AGO4: variants seen among roughly 807,000 people sequenced by gnomAD.
The protein encoded by AGO4 is protein argonaute-4.
Under a neutral mutation model 104.7 loss-of-function variants are expected in AGO4, and 33 were observed. That is an observed-to-expected ratio of 0.32 (90% CI 0.24 to 0.42). The LOEUF (loss-of-function observed/expected upper bound fraction) is 0.42, where lower values mean the gene tolerates loss of function less well. Among genes scored for constraint, AGO4 ranks in the 10% least tolerant of loss-of-function variants. The pLI, the probability that AGO4 is intolerant of heterozygous loss-of-function variation, is 1.00. For missense variants in AGO4, 711 were observed against 1,083.4 expected (o/e 0.66, Z 4.83); for synonymous variants, 331 against 364.7 (o/e 0.91, Z 1.05).
At chr1:35,851,116 T>C (rs1249658031) in intron 17 of AGO4, 63 bp downstream of exon 17, 1 of 1,482,196 alleles carries the variant, frequency 6.7e-7, no homozygotes, top group South Asian at 1.3e-5. Flanking sequence ...AAAAATGAGC[T>C]ACAATAGAAA....
intron 13 of AGO4, among the ~76,000 whole-genome samples, chr1:35,838,046 CTATT>C (rs1167171418): frequency 1.3e-5 from 2 of 151,000 alleles, no homozygotes; most frequent in African/African-American, 4.9e-5. Context: ...CCATGCCTGC[CTATT>C]TATTTATTTA....
chr1:35,831,703 A>G (rs1644189236), intron 8 of AGO4, 109 bp from the exon 9 acceptor site: 39 of 1,547,728 alleles, frequency 2.5e-5, no homozygotes, highest in Non-Finnish European at 3.1e-5. Flanking sequence ...ATTTCACTAT[A>G]TAACCAAATT....
At position 35,830,691 on chromosome 1, in the gene AGO4, T is replaced by C. The variant is rs370600554; in HGVS notation, c.849-736T>C. On this transcript the variant is annotated intron_variant, in intron 7 of 17. Transcript: ENST00000373210. ...GCTCAAATAAAGATTAACTTTTGTT[T>C]TTTGGCTGGGCATGTGGCTCACACC... Among the ~76,000 whole-genome samples, 20 of 152,278 alleles carry C rather than the reference T, an allele frequency of 1.3e-4. No individual in the cohort carries two copies. The East Asian group carries it at 1.5e-3, about 12-fold the overall frequency.
At chr1:35,813,853 A>C (rs1643591434) in intron 1 of AGO4, among the ~76,000 whole-genome samples, 1 of 151,996 alleles carries the variant, frequency 6.6e-6, no homozygotes. Flanking sequence ...AGGTGGGCGG[A>C]TCACAAGGTC....
intron 2 of AGO4, among the ~76,000 whole-genome samples, chr1:35,819,921 G>A (rs1161229436): frequency 2.0e-5 from 3 of 152,042 alleles, no homozygotes; most frequent in African/African-American, 7.2e-5. Context: ...GAGACTGGAT[G>A]AGATTATGTT....
Position 35,854,544 on chromosome 1 carries a change from A to G in AGO4, c.*939A>G, listed in dbSNP as rs142922183. The G allele has an allele frequency of 2.0e-5, 3 of 152,792 alleles. No homozygotes were observed. The highest frequency in any genetic ancestry group is 7.2e-5 in the African/African-American group (3 of 41,584). The allele number at this position is 152,792 out of a possible 1,614,324, so 9.5% of individuals were successfully genotyped here. On this transcript the variant is annotated 3_prime_UTR_variant, in exon 18 of 18. Transcript: ENST00000373210. ...TCCTTCCCCAACAATGTAGTTTTCT[A>G]GATGAGATTTCAGTATGATTTTATC...
In AGO4 at chr1:35,808,312, G is replaced by A. The variant is rs1643364186; in HGVS notation, c.-105G>A. The stretch of plus-strand genomic sequence containing the variant: ...CGCGTCTCCGCGGCGCCACCCCAGC[G>A]CCAATATTCCGGAGATCAAGCGTTA... On this transcript the variant is annotated 5_prime_UTR_variant, in exon 1 of 18. Transcript: ENST00000373210. This position sits in a 1 kb window ranked among gnomAD's most constrained non-coding sequence, Gnocchi z 5.2. 2 of 714,950 alleles carry A rather than the reference G, an allele frequency of 2.8e-6. No individual in the cohort carries two copies. Among genetic ancestry groups the A allele is most frequent in the South Asian group, 1.2e-4 (2 of 16,784 alleles). The allele number at this position is 714,950 out of a possible 1,614,324, so 44.3% of individuals were successfully genotyped here. A position where few individuals can be genotyped will look rare whatever the true frequency, so the allele number is the denominator to read the frequency against.
rs993496907 is a variant in AGO4 at position 35,808,294 on chromosome 1, C to T, written c.-123C>T. On this transcript the variant is annotated 5_prime_UTR_variant, in exon 1 of 18. Transcript: ENST00000373210. The surrounding 1 kb of genome is among the most constrained non-coding windows in gnomAD (Gnocchi z 5.2). ...CGCCCCCTGCCCAGCGCCCGCGTCT[C>T]CGCGGCGCCACCCCAGCGCCAATAT... is the stretch of plus-strand genomic sequence containing the variant. The T allele has an allele frequency of 1.9e-6, 1 of 525,178 alleles. No homozygotes were observed. Among genetic ancestry groups the T allele is most frequent in the South Asian group, 7.7e-5 (1 of 12,998 alleles). 32.5% of individuals were successfully genotyped at this position (525,178 alleles called of 1,614,324 possible).
intron 15 of AGO4, among the ~76,000 whole-genome samples, chr1:35,848,885 T>A (rs1265332212): frequency 6.6e-6 from 1 of 152,202 alleles, no homozygotes. Context: ...AGATTTCTTC[T>A]GATCCAGCTA....
Position 35,829,086 on chromosome 1 carries a change from G to T in AGO4, c.848+2251G>T, listed in dbSNP as rs118118895. Among the ~76,000 whole-genome samples, 41 of 148,934 alleles carry T rather than the reference G, an allele frequency of 2.8e-4. No homozygotes were observed. The East Asian group carries it at 6.9e-3, about 25-fold the overall frequency. ...TAATCTGACTTTGTTTTAGATTCAT[G>T]ATTCTTAATTTTCAAACTTTAGTGC... On this transcript the variant is annotated intron_variant, in intron 7 of 17. Coordinates refer to ENST00000373210, the MANE Select transcript of AGO4 (RefSeq NM_017629.4).
chr1:35,841,345 C>T lies in AGO4; in HGVS notation c.1905C>T (p.Leu635=). 6.2e-7 allele frequency: 1 copy of T among 1,614,190 alleles called. No individual in the cohort carries two copies. The highest frequency in any genetic ancestry group is 8.5e-7 in the Non-Finnish European group (1 of 1,180,036). ...TSRQEISQEL[L]YSQEVIQDLT... ...GGCAGGAGATCTCCCAAGAGCTCCT[C>T]TACAGTCAAGAGGTCATCCAGGACC... Residue 635 remains leucine (L), a synonymous_variant, in exon 14 of 18, where the codon CTC becomes CTT. Transcript: ENST00000373210. This position sits in a 1 kb window ranked among gnomAD's most constrained non-coding sequence, Gnocchi z 4.7.
At chr1:35,831,765 GATGTGGAACCCTTTAC>G in intron 8 of AGO4, 31 bp from the exon 9 acceptor site, 1 of 1,608,732 alleles carries the variant, frequency 6.2e-7, no homozygotes, top group Non-Finnish European at 8.5e-7. Context: ...AAAGGTTTAA[GATGTGGAACCCTTTAC>G]ACAAACCAAT....
chr1:35,808,007 C>T (rs1162062763), upstream of AGO4, among the ~76,000 whole-genome samples: 1 of 150,746 alleles, frequency 6.6e-6, no homozygotes, highest in Non-Finnish European at 1.5e-5. The surrounding 1 kb of genome is among the most constrained non-coding windows in gnomAD (Gnocchi z 5.2). Flanking sequence ...ACCCTCCGGG[C>T]GCGCGCTCGT....
chr1:35,825,296 T>C lies in AGO4; in HGVS notation c.307-17T>C, dbSNP rs1160471555. On this transcript the variant is annotated splice_polypyrimidine_tract_variant and intron_variant, in intron 3 of 17. Coordinates refer to ENST00000373210, the MANE Select transcript of AGO4 (RefSeq NM_017629.4). ...TTGTAAACATTTGTGTTTGTATTCATGTATTTTTTTCCTTAGGTTGATATG... is the reference window on the plus strand; with the variant it reads ...TTGTAAACATTTGTGTTTGTATTCACGTATTTTTTTCCTTAGGTTGATATG... The C allele has an allele frequency of 3.1e-6, 5 of 1,609,382 alleles. No homozygotes were observed. The East Asian group carries it at 8.9e-5, about 29-fold the overall frequency.
intron 1 of AGO4, among the ~76,000 whole-genome samples, chr1:35,815,986 G>A (rs962868520): frequency 6.6e-6 from 1 of 152,130 alleles, no homozygotes; most frequent in African/African-American, 2.4e-5. Context: ...AAATGTCTGT[G>A]GAATAAACTA....
intron 15 of AGO4, among the ~76,000 whole-genome samples, chr1:35,847,940 G>A (rs1212457088): frequency 6.6e-6 from 1 of 151,040 alleles, no homozygotes; most frequent in Admixed American, 6.6e-5. Flanking sequence ...GATCAAATCA[G>A]GGTATAATTA....
At chr1:35,809,447 A>G (rs1643427560) in intron 1 of AGO4, among the ~76,000 whole-genome samples, 1 of 152,178 alleles carries the variant, frequency 6.6e-6, no homozygotes, top group Admixed American at 6.5e-5. Context: ...TCGAGTTGCC[A>G]TTTGAGTTTG....
intron 15 of AGO4, among the ~76,000 whole-genome samples, chr1:35,847,735 A>G (rs1312369182): frequency 1.3e-5 from 2 of 152,174 alleles, no homozygotes; most frequent in African/African-American, 4.8e-5. Flanking sequence ...TTGCTTTAGT[A>G]CCGAATACAG....
rs757573085 is a variant in AGO4 at position 35,832,095 on chromosome 1, C to T, written c.1155C>T (p.Tyr385=). The T allele has an allele frequency of 5.6e-6, 9 of 1,614,110 alleles. No individual in the cohort carries two copies. Among genetic ancestry groups the T allele is most frequent in the Non-Finnish European group, 7.6e-6 (9 of 1,180,008 alleles). ...GTATGGTGGGTGGACCTGATCCATACCTTAAAGAATTTGGTATTGTTGTCC... is the reference window on the plus strand; with the variant it reads ...GTATGGTGGGTGGACCTGATCCATATCTTAAAGAATTTGGTATTGTTGTCC... The part of the protein sequence containing the change: ...SNSMVGGPDP[Y]LKEFGIVVHN... The change falls in exon 10 of 18, where the codon TAC becomes TAT. Residue 385 remains tyrosine (Y), a synonymous_variant. Coordinates refer to ENST00000373210, the MANE Select transcript of AGO4 (RefSeq NM_017629.4).
Sources: gnomAD v4.1 joint callset for allele counts (sites outside exome capture counted in the v4.1 genomes callset) on GRCh38, gnomAD v4.1.1 for gene constraint, Gnocchi (gnomAD v3.1) non-coding constraint, MANE v1.5 for transcripts, NCBI Gene and HGNC (gene_info 2026-07-23, HGNC 2026-07-21) for gene names.